CDH18: variants seen among roughly 807,000 people sequenced by gnomAD.
CDH18 encodes the protein cadherin 18.
CDH18 carries 31 observed loss-of-function variants against 67.9 expected under a neutral mutation model. That is an observed-to-expected ratio of 0.46 (90% confidence interval 0.34 to 0.62). The LOEUF (loss-of-function observed/expected upper bound fraction) is 0.62, where lower values mean the gene tolerates loss of function less well. CDH18 is among the 20% of genes least tolerant of loss of function. The pLI, the probability that CDH18 is intolerant of heterozygous loss-of-function variation, is 0.01. For synonymous variants in CDH18, 362 were observed against 347.2 expected (o/e 1.04, Z -0.48); for missense variants, 890 against 975.5 (o/e 0.91, Z 1.17).
intron 2 of CDH18, among the ~76,000 whole-genome samples, chr5:20,105,577 T>C (rs1001100214): frequency 1.3e-5 from 2 of 151,798 alleles, no homozygotes; most frequent in Non-Finnish European, 2.9e-5. Context: ...AACCCCATCA[T>C]TCCCTCCCTA....
At chr5:20,425,068 A>T (rs1748185906) in intron 1 of CDH18, among the ~76,000 whole-genome samples, 1 of 150,282 alleles carries the variant, frequency 6.7e-6, no homozygotes, top group Non-Finnish European at 1.5e-5. Context: ...TCTTAGAGTT[A>T]AAAAAAAATT....
intron 5 of CDH18, among the ~76,000 whole-genome samples, chr5:19,709,213 T>C (rs1764378419): frequency 6.6e-6 from 1 of 151,928 alleles, no homozygotes; most frequent in East Asian, 1.9e-4. Flanking sequence ...AGGAAAGGGT[T>C]TGGGGAACTT....
At chr5:19,683,405 T>TA (rs1437262464) in intron 5 of CDH18, among the ~76,000 whole-genome samples, 2 of 152,098 alleles carry the variant, frequency 1.3e-5, no homozygotes, top group Non-Finnish European at 2.9e-5. Flanking sequence ...CATGCTGGTT[T>TA]AATCCTGATA....
At chr5:19,883,899 A>C (rs912275984) in intron 2 of CDH18, among the ~76,000 whole-genome samples, 6 of 152,136 alleles carry the variant, frequency 3.9e-5, no homozygotes, top group African/African-American at 1.2e-4. Flanking sequence ...TTAAACTATT[A>C]TTCATGTCAT....
chr5:20,309,045 C>T (rs79335348), intron 1 of CDH18, among the ~76,000 whole-genome samples: 91 of 152,236 alleles, frequency 6.0e-4, no homozygotes, highest in East Asian at 3.5e-3. Context: ...GTGTAGAATA[C>T]TGGGAATTAT....
At chr5:19,815,619 T>G (rs927457764) in intron 3 of CDH18, among the ~76,000 whole-genome samples, 5 of 151,868 alleles carry the variant, frequency 3.3e-5, no homozygotes, top group Non-Finnish European at 5.9e-5. Context: ...ATAAGGTCAG[T>G]GATAGTGATG....
intron 2 of CDH18, among the ~76,000 whole-genome samples, chr5:20,052,824 GT>G: frequency 6.6e-6 from 1 of 152,158 alleles, no homozygotes; most frequent in Non-Finnish European, 1.5e-5. Context: ...AAGATAACCA[GT>G]TTTAAAGATA....
At chr5:19,642,521 C>G (rs941402222) in intron 5 of CDH18, among the ~76,000 whole-genome samples, 2 of 151,942 alleles carry the variant, frequency 1.3e-5, no homozygotes, top group Non-Finnish European at 1.5e-5. Context: ...TAAAGAAATT[C>G]AGTGATCTAC....
intron 7 of CDH18, 26 bp from the exon 8 acceptor site, chr5:19,571,858 G>C (rs1184900695): frequency 6.4e-7 from 1 of 1,565,016 alleles, no homozygotes; most frequent in East Asian, 2.3e-5. Flanking sequence ...ATAAGATTAT[G>C]ACTTTTATAA....
At chr5:19,726,040 G>T (rs1199749875) in intron 4 of CDH18, among the ~76,000 whole-genome samples, 1 of 152,188 alleles carries the variant, frequency 6.6e-6, no homozygotes, top group Non-Finnish European at 1.5e-5. Context: ...AACAGTGCAA[G>T]ATCATTCTTC....
At chr5:20,109,923 T>G (rs1747311245) in intron 2 of CDH18, among the ~76,000 whole-genome samples, 1 of 152,212 alleles carries the variant, frequency 6.6e-6, no homozygotes, top group Admixed American at 6.5e-5. Flanking sequence ...AATACTTGTG[T>G]TAGAATGTAA....
intron 2 of CDH18, among the ~76,000 whole-genome samples, chr5:20,206,131 A>G (rs991754251): frequency 1.3e-5 from 2 of 151,950 alleles, no homozygotes; most frequent in African/African-American, 2.4e-5. Flanking sequence ...CCAAATAAAT[A>G]AAACCAGAAA....
intron 5 of CDH18, among the ~76,000 whole-genome samples, chr5:19,639,328 G>C (rs1275001251): frequency 6.6e-6 from 1 of 152,096 alleles, no homozygotes; most frequent in East Asian, 1.9e-4. Context: ...AACATAGTAA[G>C]GAAGTGCGAA....
chr5:20,356,836 T>TAC (rs1741664925), intron 1 of CDH18, among the ~76,000 whole-genome samples: 1 of 148,704 alleles, frequency 6.7e-6, no homozygotes. Context: ...TATACCTATA[T>TAC]ACACACATAT....
At chr5:19,742,785 GGAGA>G (rs1220166149) in intron 4 of CDH18, among the ~76,000 whole-genome samples, 1 of 151,782 alleles carries the variant, frequency 6.6e-6, no homozygotes, top group African/African-American at 2.4e-5. Context: ...ATAAATATAA[GGAGA>G]GAGATTGTTT....
chr5:19,483,706 C>T (rs552728408), intron 11 of CDH18, among the ~76,000 whole-genome samples, 154 bp from the exon 12 acceptor site: 2 of 152,024 alleles, frequency 1.3e-5, no homozygotes, highest in African/African-American at 4.8e-5. Flanking sequence ...TAAAGAGAAG[C>T]TAATATTGGT....
intron 8 of CDH18, among the ~76,000 whole-genome samples, chr5:19,569,867 C>T (rs953178635): frequency 3.3e-5 from 5 of 152,038 alleles, no homozygotes; most frequent in African/African-American, 7.2e-5. Flanking sequence ...CAAATTATCA[C>T]GTGTATCCCA....
intron 1 of CDH18, among the ~76,000 whole-genome samples, chr5:20,505,536 T>TA (rs1373902600): frequency 3.3e-5 from 5 of 152,194 alleles, no homozygotes; most frequent in African/African-American, 1.2e-4. Context: ...ACAACATTGC[T>TA]AACACATTTT....
intron 1 of CDH18, among the ~76,000 whole-genome samples, chr5:20,478,838 A>T (rs1752607475): frequency 6.6e-6 from 1 of 152,208 alleles, no homozygotes; most frequent in Non-Finnish European, 1.5e-5. Flanking sequence ...GACCCAGCAC[A>T]GTCCCAGTGA....
Sources: allele counts gnomAD v4.1 joint callset (sites outside exome capture counted in the v4.1 genomes callset), GRCh38; gene constraint gnomAD v4.1.1; transcripts MANE v1.5; gene names NCBI Gene and HGNC (gene_info 2026-07-23, HGNC 2026-07-21).